Variants in ANXA8 observed in about 807,000 individuals in gnomAD.
ANXA8 encodes the protein annexin A8, also known as VAC-beta.
A neutral mutation model predicts 26.8 loss-of-function variants in ANXA8; 9 were observed. The ratio of observed to expected loss-of-function variants is 0.34; its 90% CI spans 0.20 to 0.59. The LOEUF is 0.59. Among genes scored for constraint, ANXA8 ranks in the 20% least tolerant of loss-of-function variants. The pLI is 0.84. For missense variants in ANXA8, 83 were observed against 238.5 expected (o/e 0.35, Z 4.29); for synonymous variants, 39 against 94.8 (o/e 0.41, Z 3.42).
the ANXA8 span, among the ~76,000 whole-genome samples, chr10:47,896,839 C>T: frequency 4.3e-4 from 65 of 152,136 alleles, 1 homozygote; most frequent in Non-Finnish European, 7.1e-4. Context: ...AAGACATAAA[C>T]AATTGTGAAA....
At chr10:47,591,689 G>A in the ANXA8 span, among the ~76,000 whole-genome samples, 30 of 136,998 alleles carry the variant, frequency 2.2e-4, 2 homozygotes, top group African/African-American at 5.3e-4. Context: ...CTCATGATCC[G>A]CCCACCTCGG....
chr10:47,610,322 T>C, the ANXA8 span, among the ~76,000 whole-genome samples: 1 of 145,814 alleles, frequency 6.9e-6, no homozygotes, highest in Non-Finnish European at 1.5e-5. Context: ...GGAGTTTGCA[T>C]CTAAATGTAA....
intron 1 of ANXA8, among the ~76,000 whole-genome samples, chr10:47,482,793 T>C (rs1839875583): frequency 1.3e-5 from 2 of 150,318 alleles, no homozygotes; most frequent in Non-Finnish European, 2.9e-5. Context: ...GGACACTTGC[T>C]TGGGTTGCGA....
chr10:47,631,630 C>T, the ANXA8 span, among the ~76,000 whole-genome samples: 3 of 150,262 alleles, frequency 2.0e-5, no homozygotes, highest in Non-Finnish European at 4.4e-5. Flanking sequence ...GGTTGAGAAC[C>T]ACTGCACAAA....
chr10:47,502,838 G>A, the ANXA8 span: 38 of 1,602,296 alleles, frequency 2.4e-5, 2 homozygotes, highest in East Asian at 3.9e-4. Flanking sequence ...CAGGCATCCC[G>A]CTCCTCATAC....
chr10:47,951,013 TA>T, the ANXA8 span, among the ~76,000 whole-genome samples: 1 of 150,518 alleles, frequency 6.6e-6, no homozygotes, highest in Non-Finnish European at 1.5e-5. Context: ...AGAAAGTCAA[TA>T]AGATAAAAAG....
At chr10:47,667,412 C>T in the ANXA8 span, among the ~76,000 whole-genome samples, 1 of 151,938 alleles carries the variant, frequency 6.6e-6, no homozygotes, top group Non-Finnish European at 1.5e-5. Flanking sequence ...CCCTTTGTTT[C>T]CACTGTTCTG....
At chr10:47,969,706 C>A in the ANXA8 span, among the ~76,000 whole-genome samples, 1 of 148,850 alleles carries the variant, frequency 6.7e-6, no homozygotes, top group African/African-American at 2.4e-5. Flanking sequence ...GCCACACCCT[C>A]TTGTGAATCT....
the ANXA8 span, chr10:47,491,758 C>T: frequency 3.2e-6 from 5 of 1,544,024 alleles, 1 homozygote; most frequent in African/African-American, 4.2e-5. Context: ...CCTATCTAGG[C>T]TCTGGGGCAA....
chr10:47,738,521 T>G, the ANXA8 span, among the ~76,000 whole-genome samples: 2 of 151,626 alleles, frequency 1.3e-5, no homozygotes, highest in African/African-American at 4.9e-5. Context: ...TATTCTTTAA[T>G]GTTCCTTAGC....
At chr10:47,535,560 A>C in the ANXA8 span, among the ~76,000 whole-genome samples, 1 of 147,228 alleles carries the variant, frequency 6.8e-6, no homozygotes, top group Non-Finnish European at 1.5e-5. Context: ...TATGAAGTAA[A>C]ATAGCAAAAA....
At chr10:47,519,486 GA>G in the ANXA8 span, among the ~76,000 whole-genome samples, 1 of 122,178 alleles carries the variant, frequency 8.2e-6, no homozygotes, top group African/African-American at 3.1e-5. Flanking sequence ...AAAAAAAAAA[GA>G]GTGTGGTACC....
chr10:47,986,747 G>A, the ANXA8 span: 8 of 349,360 alleles, frequency 2.3e-5, no homozygotes, highest in South Asian at 1.0e-4. Flanking sequence ...CCGCGCGCCC[G>A]CCCCCGCGCG....
chr10:47,674,584 T>C, the ANXA8 span, among the ~76,000 whole-genome samples: 1 of 151,666 alleles, frequency 6.6e-6, no homozygotes, highest in Non-Finnish European at 1.5e-5. Flanking sequence ...TACTGTACTC[T>C]TTGGAAGGAA....
At chr10:47,562,757 C>T in the ANXA8 span, among the ~76,000 whole-genome samples, 2 of 134,930 alleles carry the variant, frequency 1.5e-5, no homozygotes, top group African/African-American at 2.9e-5. Flanking sequence ...GGGAATCACT[C>T]AACCTCAGGA....
At chr10:47,699,546 G>T in the ANXA8 span, among the ~76,000 whole-genome samples, 846 of 151,254 alleles carry the variant, frequency 5.6e-3, 5 homozygotes, top group African/African-American at 0.019. Context: ...ATATCATTAG[G>T]CTGAGTGCAG....
the ANXA8 span, chr10:47,507,618 T>G: frequency 1.3e-6 from 2 of 1,529,412 alleles, 1 homozygote; most frequent in East Asian, 5.9e-5. Flanking sequence ...ACAATAGATG[T>G]TATCATTTGT....
chr10:47,932,726 C>A, the ANXA8 span, among the ~76,000 whole-genome samples: 1 of 61,978 alleles, frequency 1.6e-5, no homozygotes, highest in African/African-American at 9.1e-5. Context: ...CTTTCTCTGT[C>A]TTTCTGTCTC....
At chr10:47,573,969 GC>G in the ANXA8 span, among the ~76,000 whole-genome samples, 2 of 145,750 alleles carry the variant, frequency 1.4e-5, no homozygotes, top group Non-Finnish European at 3.0e-5. Context: ...TAGGCCTTGG[GC>G]CCCTGAGTTA....
Sources: allele counts gnomAD v4.1 joint callset (sites outside exome capture counted in the v4.1 genomes callset), GRCh38; gene constraint gnomAD v4.1.1; transcripts MANE v1.5; gene names NCBI Gene and HGNC (gene_info 2026-07-23, HGNC 2026-07-21).